CFHR2: variants seen among roughly 807,000 people sequenced by gnomAD.
The protein encoded by CFHR2 is complement factor H related 2, also known as complement factor H-related protein 2.
CFHR2 carries 22 observed loss-of-function variants against 21.7 expected under a neutral mutation model. That is an observed-to-expected ratio of 1.01 (90% CI 0.72 to 1.45). CFHR2 has a LOEUF of 1.45. Ranked by LOEUF, CFHR2 falls within the 40% of genes most tolerant of loss-of-function variation. CFHR2 has a pLI of 0.00. For synonymous variants in CFHR2, 98 were observed against 97.4 expected (o/e 1.01, Z -0.04); for missense variants, 294 against 293.3 (o/e 1.00, Z -0.02).
At chr1:196,951,606 C>T (rs936135338) in intron 3 of CFHR2, among the ~76,000 whole-genome samples, 2 of 152,094 alleles carry the variant, frequency 1.3e-5, no homozygotes, top group African/African-American at 4.8e-5. Context: ...GTCTTTATAG[C>T]TCCTCAGTAA....
rs528409992 is a variant in CFHR2 at position 196,944,841 on chromosome 1, C to T, written c.58+903C>T. On this transcript the variant is annotated intron_variant, in intron 1 of 4. Coordinates refer to ENST00000367415, the MANE Select transcript of CFHR2 (RefSeq NM_005666.4). The stretch of plus-strand genomic sequence containing the variant: ...ACATGCTTTCCTTTAAATATTTGCC[C>T]TTAGAAATGTTGCAAAATATTATTT... Among the ~76,000 whole-genome samples the T allele has an allele frequency of 4.8e-4, 73 of 150,812 alleles. No homozygotes were observed. The South Asian group carries it at 6.4e-3, about 13-fold the overall frequency.
At chr1:196,944,766 T>A (rs1444105767) in intron 1 of CFHR2, among the ~76,000 whole-genome samples, 1 of 151,946 alleles carries the variant, frequency 6.6e-6, no homozygotes, top group African/African-American at 2.4e-5. Flanking sequence ...TGAACTTTTA[T>A]TTGAACAGTT....
chr1:196,958,987 T>G lies in CFHR2; in HGVS notation c.720T>G (p.Val240=). 1 of 1,612,262 alleles carries G rather than the reference T, an allele frequency of 6.2e-7. No individual in the cohort carries two copies. The highest frequency in any genetic ancestry group is 1.7e-5 in the Admixed American group (1 of 59,944). The change falls in exon 5 of 5, where the codon GTT becomes GTG. Residue 240 remains valine (V), a synonymous_variant. Coordinates refer to ENST00000367415, the MANE Select transcript of CFHR2 (RefSeq NM_005666.4). The part of the protein sequence containing the change: ...YSRTGDIVEF[V]CKSGYHPTKS... ...GAACAGGTGACATAGTTGAATTTGTTTGTAAATCTGGATATCATCCAACAA... is the reference window on the plus strand; with the variant it reads ...GAACAGGTGACATAGTTGAATTTGTGTGTAAATCTGGATATCATCCAACAA...
Position 196,959,095 on chromosome 1 carries a change from C to G in CFHR2, c.*15C>G, listed in dbSNP as rs369099352. 1.2e-5 allele frequency: 18 copies of G among 1,534,652 alleles called. No homozygotes were observed. The highest frequency in any genetic ancestry group is 1.6e-5 in the Non-Finnish European group (18 of 1,121,664). On this transcript the variant is annotated 3_prime_UTR_variant, in exon 5 of 5. Transcript: ENST00000367415. ...AAGAAAAATAGAATCAATGGCATTA[C>G]TATTAGTAAAATGCACACCTTTTTC...
At chr1:196,956,866 A>G (rs1224023255) in intron 3 of CFHR2, among the ~76,000 whole-genome samples, 1 of 151,338 alleles carries the variant, frequency 6.6e-6, no homozygotes, top group East Asian at 1.9e-4. Flanking sequence ...ACTCGATTGC[A>G]AAAATCTTAT....
At chr1:196,957,173 G>T (rs75799269) in intron 3 of CFHR2, among the ~76,000 whole-genome samples, 1 of 151,886 alleles carries the variant, frequency 6.6e-6, no homozygotes, top group Non-Finnish European at 1.5e-5. Context: ...TTCTTTTTCT[G>T]TCTGAACCTC....
At chr1:196,950,744 A>G (rs1659693765) in intron 2 of CFHR2, 108 bp from the exon 3 acceptor site, 3 of 1,273,316 alleles carry the variant, frequency 2.4e-6, no homozygotes, top group Non-Finnish European at 3.3e-6. Flanking sequence ...AAGTGCAGGG[A>G]TTACCAGCTT....
At chr1:196,954,692 A>G (rs1652800856) in intron 3 of CFHR2, among the ~76,000 whole-genome samples, 1 of 152,164 alleles carries the variant, frequency 6.6e-6, no homozygotes, top group African/African-American at 2.4e-5. Context: ...AAAAACCTCA[A>G]ATCTTGTCTT....
intron 2 of CFHR2, among the ~76,000 whole-genome samples, chr1:196,950,391 GACTTA>G (rs1362308283): frequency 2.6e-5 from 4 of 152,102 alleles, no homozygotes; most frequent in African/African-American, 9.7e-5. Context: ...ATAGTAGCAA[GACTTA>G]ACTTCTTTTG....
At position 196,957,984 on chromosome 1, in the gene CFHR2, A is replaced by G. The variant is rs201349933; in HGVS notation, c.524A>G (p.Glu175Gly). Residue 175 changes from glutamate (E) to glycine (G), a missense_variant, in exon 4 of 5, where the codon GAG (glutamate) becomes GGG (glycine). Coordinates refer to ENST00000367415, the MANE Select transcript of CFHR2 (RefSeq NM_005666.4). The stretch of plus-strand genomic sequence containing the variant: ...GTATATGCTCCAGGTTCATCAGTTG[A>G]GTACCAGTGCCAGAACTTGTATCAA... ...LSVYAPGSSV[E>G]YQCQNLYQLE... is the part of the protein sequence containing the mutation. The G allele has an allele frequency of 1.4e-5, 23 of 1,613,796 alleles. No individual in the cohort carries two copies. In the East Asian group the frequency reaches 5.1e-4, roughly 36 times the overall value.
chr1:196,955,928 A>G (rs1192327090), intron 3 of CFHR2, among the ~76,000 whole-genome samples: 1 of 152,190 alleles, frequency 6.6e-6, no homozygotes, highest in East Asian at 1.9e-4. Flanking sequence ...AAAACTTACA[A>G]TAATGGCAGA....
intron 1 of CFHR2, among the ~76,000 whole-genome samples, chr1:196,944,408 G>A (rs1470844724): frequency 5.9e-5 from 9 of 151,762 alleles, no homozygotes; most frequent in African/African-American, 2.2e-4. Flanking sequence ...TTCAACAGAG[G>A]GAAATATATT....
intron 2 of CFHR2, among the ~76,000 whole-genome samples, chr1:196,950,476 G>A (rs1659683603): frequency 6.6e-6 from 1 of 151,798 alleles, no homozygotes; most frequent in South Asian, 2.1e-4. Context: ...GTTTTGTTTT[G>A]TTTTGTTTTG....
chr1:196,957,853 T>G (rs777853163), intron 3 of CFHR2, 38 bp from the exon 4 acceptor site: 70 of 1,573,398 alleles, frequency 4.4e-5, no homozygotes, highest in Non-Finnish European at 5.8e-5. Context: ...CTTGTATTTT[T>G]ATTTACTCTC....
chr1:196,948,009 A>G (rs1331986579), intron 1 of CFHR2, among the ~76,000 whole-genome samples: 1 of 152,198 alleles, frequency 6.6e-6, no homozygotes, highest in Non-Finnish European at 1.5e-5. Context: ...GTGTGTATAT[A>G]TATGAATGTG....
At chr1:196,957,096 T>C (rs1652914357) in intron 3 of CFHR2, among the ~76,000 whole-genome samples, 1 of 152,166 alleles carries the variant, frequency 6.6e-6, no homozygotes, top group Non-Finnish European at 1.5e-5. Context: ...TTAAAAATGA[T>C]TTTTGTCTTG....
At chr1:196,944,883 A>ATTT (rs71131736) in intron 1 of CFHR2, among the ~76,000 whole-genome samples, 12 of 134,302 alleles carry the variant, frequency 8.9e-5, no homozygotes, top group African/African-American at 2.8e-4. Flanking sequence ...CTTGAAATTC[A>ATTT]TTTTTTTTTT....
In CFHR2 at chr1:196,950,846, C is replaced by A. The variant is rs370956552; in HGVS notation, c.254-6C>A. ...TCTTGTCTATTAATCTGTTTTTGGTCTTTAGGACTGTGTTTCTTTCCTTTT... is the reference window on the plus strand; with the variant it reads ...TCTTGTCTATTAATCTGTTTTTGGTATTTAGGACTGTGTTTCTTTCCTTTT... On this transcript the variant is annotated splice_polypyrimidine_tract_variant and splice_region_variant and intron_variant, in intron 2 of 4. Coordinates refer to ENST00000367415, the MANE Select transcript of CFHR2 (RefSeq NM_005666.4). The A allele has an allele frequency of 6.2e-7, 1 of 1,612,652 alleles. No homozygotes were observed. The highest frequency in any genetic ancestry group is 1.7e-5 in the Admixed American group (1 of 59,924).
Position 196,949,634 on chromosome 1 carries a change from A to C in CFHR2, c.238A>C (p.Thr80Pro), listed in dbSNP as rs1403134235. The change falls in exon 2 of 5, where the codon ACA (threonine) becomes CCA (proline). Residue 80 changes from threonine to proline, a missense_variant. Transcript: ENST00000367415. The part of the protein sequence containing the change: ...ITCAEEGWSP[T>P]PKCLRLCFFP... ...GTGCGCAGAAGAAGGATGGTCACCAACACCAAAGTGTCTCAGTGAGTAAAT... is the reference window on the plus strand; with the variant it reads ...GTGCGCAGAAGAAGGATGGTCACCACCACCAAAGTGTCTCAGTGAGTAAAT... 2.5e-6 allele frequency: 4 copies of C among 1,613,774 alleles called. No homozygotes were observed. The African/African-American group carries it at 4.0e-5, about 16-fold the overall frequency.
Sources: gnomAD v4.1 joint callset for allele counts (sites outside exome capture counted in the v4.1 genomes callset) on GRCh38, gnomAD v4.1.1 for gene constraint, MANE v1.5 for transcripts, NCBI Gene and HGNC (gene_info 2026-07-23, HGNC 2026-07-21) for gene names.